PC: variants seen among roughly 807,000 people sequenced by gnomAD.
The protein encoded by PC is pyruvate carboxylase.
PC carries 46 observed loss-of-function variants against 107.8 expected under a neutral mutation model. The observed-to-expected ratio is 0.43, with a 90% confidence interval of 0.34 to 0.55. The LOEUF (loss-of-function observed/expected upper bound fraction) is 0.55. Ranked by LOEUF, PC falls within the 20% of genes least tolerant of loss-of-function variation. The probability of loss-of-function intolerance (pLI) is 0.04; values close to 1 mark genes in which losing one functional copy is unlikely to be tolerated. For missense variants in PC, 1,241 were observed against 1,643.1 expected (o/e 0.76, Z 4.23); for synonymous variants, 662 against 684.7 (o/e 0.97, Z 0.52).
At chr11:66,928,295 A>C (rs963876317) in intron 3 of PC, among the ~76,000 whole-genome samples, 3 of 151,686 alleles carry the variant, frequency 2.0e-5, no homozygotes, top group African/African-American at 7.3e-5. Flanking sequence ...GCTGAGGCAG[A>C]AGAATTGCTT....
chr11:66,884,266 G>A (rs1021492864), intron 3 of PC, among the ~76,000 whole-genome samples: 1 of 148,830 alleles, frequency 6.7e-6, no homozygotes, highest in Admixed American at 6.7e-5. Flanking sequence ...AAAAAAATTA[G>A]CTGGGCATGG....
chr11:66,866,755 TA>T lies in PC; in HGVS notation c.1023-407del, dbSNP rs1946516959. On this transcript the variant is annotated intron_variant, in intron 10 of 22. Transcript: ENST00000393960. This position sits in a 1 kb window ranked among gnomAD's most constrained non-coding sequence, Gnocchi z 5.4. ...TAGATTTGAAGCCTCAGCAGATCTC[TA>T]GGTCAGAGGGCCAGGATAGCACATT... is the stretch of plus-strand genomic sequence containing the variant. Among the ~76,000 whole-genome samples the T allele has an allele frequency of 6.6e-6, 1 of 152,164 alleles. No individual in the cohort carries two copies. The highest frequency in any genetic ancestry group is 1.9e-4 in the East Asian group (1 of 5,196).
chr11:66,863,945 G>A lies in PC; in HGVS notation c.1197C>T (p.Ser399=), dbSNP rs776840589. ...PDTGRIEVFR[S]GEGMGIRLDN... ...CCAGGCGGATGCCCATGCCCTCTCC[G>A]CTCCGGAACACCTGTGGGAAGGGTG... The change falls in exon 12 of 23, where the codon AGC becomes AGT. Residue 399 remains serine (S), a synonymous_variant. Coordinates refer to ENST00000393960, the MANE Select transcript of PC (RefSeq NM_001040716.2). 35 of 1,613,672 alleles carry A rather than the reference G, an allele frequency of 2.2e-5. No individual in the cohort carries two copies. Among genetic ancestry groups the A allele is most frequent in the Admixed American group, 6.7e-5 (4 of 60,012 alleles).
Position 66,851,152 on chromosome 11 carries a change from A to G in PC, c.2111T>C (p.Ile704Thr). 6.2e-7 allele frequency: 1 copy of G among 1,612,524 alleles called. No individual in the cohort carries two copies. The highest frequency in any genetic ancestry group is 8.5e-7 in the Non-Finnish European group (1 of 1,180,002). ...GSAGGVVEAA[I>T]SYTGDVADPS... ...GTCGGCCACGTCGCCCGTGTATGAG[A>G]TGGCAGCCTCCACCACGCCTCCGGC... Residue 704 changes from isoleucine to threonine, a missense_variant, in exon 17 of 23, where the codon ATC (isoleucine) becomes ACC (threonine). By Grantham distance (89) the Ile-to-Thr change is moderately conservative. Coordinates refer to ENST00000393960, the MANE Select transcript of PC (RefSeq NM_001040716.2).
In PC at chr11:66,851,763, C is replaced by T. The variant is rs368603124; in HGVS notation, c.1982+27G>A. 29 of 1,612,206 alleles carry T rather than the reference C, an allele frequency of 1.8e-5. No homozygotes were observed. The East Asian group carries it at 3.1e-4, about 17-fold the overall frequency. ...GTACCCTCTGGGCCACACCAGGTAG[C>T]GTCTGCCCACCCCACCCCAGGCTCA... On this transcript the variant is annotated intron_variant, in intron 16 of 22. Coordinates refer to ENST00000393960, the MANE Select transcript of PC (RefSeq NM_001040716.2).
At chr11:66,940,162 G>A (rs1208790000) in intron 3 of PC, among the ~76,000 whole-genome samples, 2 of 151,470 alleles carry the variant, frequency 1.3e-5, no homozygotes, top group Admixed American at 6.6e-5. Flanking sequence ...TATCTGATAA[G>A]GGATTAATAT....
At position 66,871,613 on chromosome 11, in the gene PC, C is replaced by A; in HGVS notation, c.321+74G>T. 6.4e-7 allele frequency: 1 copy of A among 1,567,412 alleles called. No homozygotes were observed. The highest frequency in any genetic ancestry group is 8.7e-7 in the Non-Finnish European group (1 of 1,150,706). ...CGCACAGAGGCGCTGAGCACGCCAG[C>A]CTCAAGAGACCCCCGCGGCAACTAA... On this transcript the variant is annotated intron_variant, in intron 5 of 22. Coordinates refer to ENST00000393960, the MANE Select transcript of PC (RefSeq NM_001040716.2). The surrounding 1 kb of genome is among the most constrained non-coding windows in gnomAD (Gnocchi z 7.4).
chr11:66,849,560 T>C (rs1462716778), intron 21 of PC, 51 bp downstream of exon 21: 10 of 1,613,452 alleles, frequency 6.2e-6, no homozygotes, highest in Admixed American at 1.7e-5. Flanking sequence ...ACTCCAGAGC[T>C]CTGGGGCAGG....
rs771659705 is a variant in PC at position 66,851,145 on chromosome 11, G to A, written c.2118C>T (p.Tyr706=). The A allele has an allele frequency of 1.2e-6, 2 of 1,612,584 alleles. No individual in the cohort carries two copies. The highest frequency in any genetic ancestry group is 1.7e-6 in the Non-Finnish European group (2 of 1,180,020). The change falls in exon 17 of 23, where the codon TAC becomes TAT. Residue 706 remains tyrosine (Y), a synonymous_variant. Transcript: ENST00000393960. ...AGGVVEAAIS[Y]TGDVADPSRT... is the part of the protein sequence containing the mutation. The stretch of plus-strand genomic sequence containing the variant: ...GGCTGGGGTCGGCCACGTCGCCCGT[G>A]TATGAGATGGCAGCCTCCACCACGC...
At chr11:66,883,545 T>C (rs1315286835) in intron 3 of PC, among the ~76,000 whole-genome samples, 1 of 152,146 alleles carries the variant, frequency 6.6e-6, no homozygotes, top group East Asian at 1.9e-4. Flanking sequence ...GGGCTCTCCA[T>C]GAGGTCTCCG....
Position 66,871,730 on chromosome 11 carries a change from A to AC in PC, c.277dup (p.Val93GlyfsTer31). On this transcript the variant is annotated frameshift_variant, in exon 5 of 23. Transcript: ENST00000393960. LOFTEE classifies it high-confidence loss of function. This position sits in a 1 kb window ranked among gnomAD's most constrained non-coding sequence, Gnocchi z 7.4. Reference sequence around the variant, plus strand: ...GTCTGGGATGTGCAGGTAGGCCTGCACGGGGGCCAGGCCGCGGCCGATGAG... The same window carrying AC: ...GTCTGGGATGTGCAGGTAGGCCTGCACCGGGGGCCAGGCCGCGGCCGATGAG... 1 of 1,575,574 alleles carries AC rather than the reference A, an allele frequency of 6.3e-7. No individual in the cohort carries two copies. Among genetic ancestry groups the AC allele is most frequent in the South Asian group, 1.2e-5 (1 of 86,592 alleles).
chr11:66,917,261 G>A (rs1379259024), intron 3 of PC, among the ~76,000 whole-genome samples: 3 of 151,920 alleles, frequency 2.0e-5, no homozygotes, highest in South Asian at 2.1e-4. Context: ...TAGTAGAGAC[G>A]GGGTTTCATC....
At chr11:66,856,238 C>T (rs550416767) in intron 12 of PC, among the ~76,000 whole-genome samples, 233 of 152,356 alleles carry the variant, frequency 1.5e-3, no homozygotes, top group Non-Finnish European at 2.3e-3. Flanking sequence ...AGGGAGGGGC[C>T]GCAGGCGCTG....
chr11:66,873,408 A>AT lies in PC; in HGVS notation c.1-1250_1-1249insA, dbSNP rs1389441689. On this transcript the variant is annotated intron_variant, in intron 3 of 22. Coordinates refer to ENST00000393960, the MANE Select transcript of PC (RefSeq NM_001040716.2). ...TAAAATATTATATATAATATAATAT[A>AT]AATATATATAATATATTATATATAT... Among the ~76,000 whole-genome samples the AT allele has an allele frequency of 2.4e-4, 23 of 94,662 alleles. No individual in the cohort carries two copies. The East Asian group carries it at 4.6e-3, about 19-fold the overall frequency. The allele number at this position is 94,662 out of a possible 152,430, so 62.1% of individuals were successfully genotyped here.
chr11:66,913,545 C>T (rs1948393446), intron 3 of PC, among the ~76,000 whole-genome samples: 1 of 151,624 alleles, frequency 6.6e-6, no homozygotes, highest in Non-Finnish European at 1.5e-5. Context: ...GCCTGTAATC[C>T]CAGATACTCA....
intron 1 of PC, among the ~76,000 whole-genome samples, chr11:66,956,458 G>A (rs1949563908): frequency 6.6e-6 from 1 of 152,054 alleles, no homozygotes; most frequent in Non-Finnish European, 1.5e-5. Flanking sequence ...GGTGGCATGC[G>A]CCTGTAATCC....
rs772034738 is a variant in PC at position 66,871,005 on chromosome 11, C to T, written c.633+47G>A. On this transcript the variant is annotated intron_variant, in intron 7 of 22. Coordinates refer to ENST00000393960, the MANE Select transcript of PC (RefSeq NM_001040716.2). The surrounding 1 kb of genome is among the most constrained non-coding windows in gnomAD (Gnocchi z 7.4). ...CTTGAGTGGTCCGCCCCTGCCCCCA[C>T]GGCAGGCTGCCCTGCCCTGCTCCCA... 17 of 1,610,514 alleles carry T rather than the reference C, an allele frequency of 1.1e-5. No homozygotes were observed. The highest frequency in any genetic ancestry group is 2.7e-5 in the African/African-American group (2 of 74,878).
At position 66,858,682 on chromosome 11, in the gene PC, A is replaced by G. The variant is rs1416396166; in HGVS notation, c.1368+5092T>C. 3 of 1,546,924 alleles carry G rather than the reference A, an allele frequency of 1.9e-6. No individual in the cohort carries two copies. The highest frequency in any genetic ancestry group is 2.6e-6 in the Non-Finnish European group (3 of 1,144,490). On this transcript the variant is annotated intron_variant, in intron 12 of 22. Coordinates refer to ENST00000393960, the MANE Select transcript of PC (RefSeq NM_001040716.2). The surrounding 1 kb of genome is among the most constrained non-coding windows in gnomAD (Gnocchi z 5.9). ...CTGGGTGACCCCGCGCCTACCATGC[A>G]CTGGGTCGGTCCTGACGACCGGTTG... is the stretch of plus-strand genomic sequence containing the variant.
chr11:66,870,205 G>A lies in PC; in HGVS notation c.903+97C>T. 1.4e-6 allele frequency: 2 copies of A among 1,460,912 alleles called. No homozygotes were observed. Among genetic ancestry groups the A allele is most frequent in the Non-Finnish European group, 1.9e-6 (2 of 1,056,334 alleles). The allele number at this position is 1,460,912 out of a possible 1,614,324, so 90.5% of individuals were successfully genotyped here. On this transcript the variant is annotated intron_variant, in intron 9 of 22. Transcript: ENST00000393960. This position sits in a 1 kb window ranked among gnomAD's most constrained non-coding sequence, Gnocchi z 6.1. ...CTCCCCATCCCCAGTCCCCAGAAGG[G>A]GACTCAGGGTCCCCTTCCCCAACCA...
Sources: gnomAD v4.1 joint callset for allele counts (sites outside exome capture counted in the v4.1 genomes callset) on GRCh38, gnomAD v4.1.1 for gene constraint, Gnocchi (gnomAD v3.1) non-coding constraint, MANE v1.5 for transcripts, NCBI Gene and HGNC (gene_info 2026-07-23, HGNC 2026-07-21) for gene names.